SNTG1: variants seen among roughly 807,000 people sequenced by gnomAD.
The protein encoded by SNTG1 is gamma-1-syntrophin.
SNTG1 carries 39 observed loss-of-function variants against 74.7 expected under a neutral mutation model. That is an observed-to-expected ratio of 0.52 (90% confidence interval 0.40 to 0.68). SNTG1 has a LOEUF of 0.68. Ranked by LOEUF, SNTG1 falls within the 30% of genes least tolerant of loss-of-function variation. The pLI is 0.00. For synonymous variants in SNTG1, 254 were observed against 217.1 expected (o/e 1.17, Z -1.49); for missense variants, 685 against 609.5 (o/e 1.12, Z -1.30).
In SNTG1 at chr8:50,453,595, C is replaced by T. The variant is rs143526831; in HGVS notation, c.363+2866C>T. On this transcript the variant is annotated intron_variant, in intron 8 of 18. Coordinates refer to ENST00000642720, the MANE Select transcript of SNTG1 (RefSeq NM_018967.5). Reference sequence around the variant, plus strand: ...GGTGAACGGAATGAACTAAACTTTTCTATCACTCTATTATGTATTCATAAA... The same window carrying T: ...GGTGAACGGAATGAACTAAACTTTTTTATCACTCTATTATGTATTCATAAA... Among the ~76,000 whole-genome samples the T allele has an allele frequency of 4.5e-4, 68 of 152,314 alleles. No individual in the cohort carries two copies. The East Asian group carries it at 0.012, about 26-fold the overall frequency.
chr8:50,793,084 A>G lies in SNTG1; in HGVS notation c.*255A>G. The G allele has an allele frequency of 3.1e-6, 1 of 323,502 alleles. No homozygotes were observed. Among genetic ancestry groups the G allele is most frequent in the Non-Finnish European group, 5.6e-6 (1 of 179,478 alleles). The allele number at this position is 323,502 out of a possible 1,614,324, so 20.0% of individuals were successfully genotyped here. ...TACCAGTAAGTGTATTGCTTTCACCAAAAGTGGAGACAAAAGAATAAATTA... is the reference window on the plus strand; with the variant it reads ...TACCAGTAAGTGTATTGCTTTCACCGAAAGTGGAGACAAAAGAATAAATTA... On this transcript the variant is annotated 3_prime_UTR_variant, in exon 19 of 19. Transcript: ENST00000642720.
chr8:50,283,224 G>A (rs1284019608), intron 2 of SNTG1, among the ~76,000 whole-genome samples: 1 of 152,068 alleles, frequency 6.6e-6, no homozygotes, highest in Non-Finnish European at 1.5e-5. Flanking sequence ...CTTAATCTTG[G>A]GTTAGCAATT....
chr8:50,392,727 A>G (rs2092678666), intron 2 of SNTG1, among the ~76,000 whole-genome samples: 1 of 151,894 alleles, frequency 6.6e-6, no homozygotes, highest in Admixed American at 6.6e-5. Flanking sequence ...GAAAAAGAAT[A>G]GAAGATTAGA....
chr8:50,167,938 T>C (rs1387355511), intron 1 of SNTG1, among the ~76,000 whole-genome samples: 1 of 152,090 alleles, frequency 6.6e-6, no homozygotes, highest in Non-Finnish European at 1.5e-5. Context: ...TTTTTTCTAA[T>C]AATTTAAAAA....
At chr8:50,017,881 C>T (rs1349795628) in intron 1 of SNTG1, among the ~76,000 whole-genome samples, 1 of 151,924 alleles carries the variant, frequency 6.6e-6, no homozygotes, top group Admixed American at 6.6e-5. Context: ...AAAAAGAAAA[C>T]AGAAGACTTG....
At chr8:50,102,028 T>G (rs983082936) in intron 1 of SNTG1, among the ~76,000 whole-genome samples, 3 of 152,124 alleles carry the variant, frequency 2.0e-5, no homozygotes, top group African/African-American at 7.2e-5. Context: ...TACGTGTGCA[T>G]GTGTCTTTAT....
At chr8:50,593,267 G>A (rs939204921) in intron 13 of SNTG1, among the ~76,000 whole-genome samples, 16 of 152,170 alleles carry the variant, frequency 1.1e-4, no homozygotes, top group African/African-American at 2.9e-4. Flanking sequence ...TGAGACAACC[G>A]CTAAGATTAG....
At chr8:50,386,908 T>G (rs79103151) in intron 2 of SNTG1, among the ~76,000 whole-genome samples, 86 of 152,148 alleles carry the variant, frequency 5.7e-4, no homozygotes, top group Admixed American at 1.3e-3. Flanking sequence ...CAAACCTTCA[T>G]GCAAGGGGCT....
At chr8:50,278,780 A>G (rs995007687) in intron 2 of SNTG1, among the ~76,000 whole-genome samples, 1 of 152,156 alleles carries the variant, frequency 6.6e-6, no homozygotes, top group Non-Finnish European at 1.5e-5. Context: ...CAAACATCAG[A>G]CATCTTTCAA....
intron 15 of SNTG1, among the ~76,000 whole-genome samples, chr8:50,686,534 AC>A (rs1407524523): frequency 2.6e-5 from 4 of 152,312 alleles, no homozygotes; most frequent in Admixed American, 6.5e-5. Context: ...AGGTAAAGCA[AC>A]TAAAACTCAG....
At chr8:50,631,154 G>A (rs974377720) in intron 13 of SNTG1, among the ~76,000 whole-genome samples, 1 of 152,086 alleles carries the variant, frequency 6.6e-6, no homozygotes, top group African/African-American at 2.4e-5. Context: ...TAATTCTTAT[G>A]GTATGTAAAA....
chr8:50,678,287 A>G (rs1419764865), intron 15 of SNTG1, among the ~76,000 whole-genome samples: 1 of 152,048 alleles, frequency 6.6e-6, no homozygotes, highest in African/African-American at 2.4e-5. Flanking sequence ...AAATAATTGA[A>G]TTGATATGTT....
At chr8:50,600,594 G>A (rs552151750) in intron 13 of SNTG1, among the ~76,000 whole-genome samples, 1 of 152,032 alleles carries the variant, frequency 6.6e-6, no homozygotes, top group Admixed American at 6.6e-5. Flanking sequence ...GCTCATAATA[G>A]CAAATATATA....
At chr8:50,718,987 C>T (rs73678635) in intron 17 of SNTG1, among the ~76,000 whole-genome samples, 3,296 of 152,164 alleles carry the variant, frequency 0.022, 101 homozygotes, top group African/African-American at 0.071. Context: ...ATTTGTTTTT[C>T]TCTTTAGAAT....
At chr8:50,368,185 G>A (rs2092169060) in intron 2 of SNTG1, among the ~76,000 whole-genome samples, 4 of 152,138 alleles carry the variant, frequency 2.6e-5, no homozygotes, top group African/African-American at 7.2e-5. Flanking sequence ...ATGAGAACAG[G>A]CCACTGTAAG....
chr8:49,987,649 CTTTTTTT>C (rs35381511), intron 1 of SNTG1, among the ~76,000 whole-genome samples: 1 of 131,552 alleles, frequency 7.6e-6, no homozygotes, highest in African/African-American at 2.9e-5. Context: ...TTAAATTAAC[CTTTTTTT>C]TTTTTTTTTT....
chr8:50,208,805 C>G (rs2084370432), intron 2 of SNTG1, among the ~76,000 whole-genome samples: 1 of 152,136 alleles, frequency 6.6e-6, no homozygotes, highest in Non-Finnish European at 1.5e-5. Flanking sequence ...ATAGGAACAG[C>G]TCCAGTCTGC....
chr8:50,709,614 T>G (rs1390585763), intron 17 of SNTG1, among the ~76,000 whole-genome samples: 2 of 152,162 alleles, frequency 1.3e-5, no homozygotes, highest in Non-Finnish European at 2.9e-5. Context: ...TATTATGGAA[T>G]GACAAATGAC....
Position 49,936,701 on chromosome 8 carries a change from C to A in SNTG1, c.-103+24470C>A, listed in dbSNP as rs80317189. On this transcript the variant is annotated intron_variant, in intron 1 of 18. Coordinates refer to ENST00000642720, the MANE Select transcript of SNTG1 (RefSeq NM_018967.5). ...TTTTGTACCCAAATGTTCATAGCAC[C>A]CTTATCTAGTCAAAATTAGAAATAA... is the stretch of plus-strand genomic sequence containing the variant. 8.2e-3 allele frequency among the ~76,000 whole-genome samples: 1,252 copies of A among 152,210 alleles called. 15 individuals carry two copies. Among genetic ancestry groups the A allele is most frequent in the African/African-American group, 0.026 (1,094 of 41,514 alleles).
Sources: gnomAD v4.1 joint callset for allele counts (sites outside exome capture counted in the v4.1 genomes callset) on GRCh38, gnomAD v4.1.1 for gene constraint, MANE v1.5 for transcripts, NCBI Gene and HGNC (gene_info 2026-07-23, HGNC 2026-07-21) for gene names.